The following ELP2 variants were observed in gnomAD, a reference collection of about 807,000 sequenced individuals.
ELP2 encodes the protein elongator complex protein 2.
A neutral mutation model predicts 119.2 loss-of-function variants in ELP2; 90 were observed. The ratio of observed to expected loss-of-function variants is 0.75; its 90% confidence interval spans 0.64 to 0.90. ELP2 has a LOEUF of 0.90. Ranked by LOEUF, ELP2 falls within the 40% of genes least tolerant of loss-of-function variation. The pLI is 0.00. For missense variants in ELP2, 921 were observed against 967.8 expected, an observed-to-expected ratio of 0.95 and a Z score of 0.64; for synonymous variants, 339 against 331.0, an observed-to-expected ratio of 1.02 and a Z score of -0.26.
intron 12 of ELP2, 71 bp downstream of exon 12, chr18:36,155,070 T>C: frequency 2.3e-6 from 3 of 1,330,238 alleles, no homozygotes; most frequent in Non-Finnish European, 3.2e-6. Flanking sequence ...TGAAGTGCAA[T>C]GGCACGATCT....
Position 36,142,847 on chromosome 18 carries a change from G to T in ELP2, c.677G>T (p.Ser226Ile). Residue 226 changes from serine to isoleucine, a missense_variant, in exon 8 of 22, where the codon AGC becomes ATC. Coordinates refer to ENST00000358232, the MANE Select transcript of ELP2 (RefSeq NM_018255.4). ...AAFGRDLFLA[S>I]CSQDCLIRIW... Reference sequence around the variant, plus strand: ...TTAGGTAGAGATCTTTTCCTAGCAAGCTGTTCACAAGATTGCCTGATAAGA... The same window carrying T: ...TTAGGTAGAGATCTTTTCCTAGCAATCTGTTCACAAGATTGCCTGATAAGA... The T allele has an allele frequency of 6.2e-7, 1 of 1,603,594 alleles. No homozygotes were observed. Among genetic ancestry groups the T allele is most frequent in the Non-Finnish European group, 8.5e-7 (1 of 1,172,154 alleles).
At chr18:36,168,913 CTTTTTTTTTTTTTTTTTT>C (rs61459855) in intron 19 of ELP2, among the ~76,000 whole-genome samples, 15 of 69,258 alleles carry the variant, frequency 2.2e-4, no homozygotes, top group African/African-American at 9.2e-4. Context: ...CTCTCCATTT[CTTTTTTTTTTTTTTTTTT>C]TTTTTTTTTT....
At chr18:36,138,693 C>A in intron 4 of ELP2, 102 bp from the exon 5 acceptor site, 2 of 1,039,368 alleles carry the variant, frequency 1.9e-6, no homozygotes, top group Non-Finnish European at 3.0e-6. Flanking sequence ...CTTCTCTCAT[C>A]TCCCTTCTGC....
chr18:36,160,485 G>A (rs920709429), intron 16 of ELP2, among the ~76,000 whole-genome samples: 1 of 151,830 alleles, frequency 6.6e-6, no homozygotes, highest in Non-Finnish European at 1.5e-5. Flanking sequence ...GACTGAGGCT[G>A]GAGGATTGCT....
intron 21 of ELP2, among the ~76,000 whole-genome samples, chr18:36,172,259 T>G (rs1463575562): frequency 6.6e-6 from 1 of 151,796 alleles, no homozygotes; most frequent in East Asian, 1.9e-4. Context: ...TGAGAGCCTG[T>G]CCCCCCCAAA....
intron 2 of ELP2, among the ~76,000 whole-genome samples, chr18:36,135,497 A>T (rs1331996146): frequency 6.6e-6 from 1 of 152,214 alleles, no homozygotes; most frequent in Non-Finnish European, 1.5e-5. Context: ...TCTGAGTTCA[A>T]ATCTAATGCT....
chr18:36,148,433 T>C (rs780925681), intron 11 of ELP2, among the ~76,000 whole-genome samples: 45 of 152,134 alleles, frequency 3.0e-4, no homozygotes, highest in Non-Finnish European at 5.9e-4. Context: ...CCCTGAAGCC[T>C]AATATACCCA....
intron 1 of ELP2, among the ~76,000 whole-genome samples, chr18:36,132,149 GT>G (rs2089657648): frequency 6.6e-6 from 1 of 151,992 alleles, no homozygotes; most frequent in Non-Finnish European, 1.5e-5. Flanking sequence ...GCCTCCTGAA[GT>G]GCTGGGATTA....
chr18:36,148,662 C>T (rs2090291457), intron 11 of ELP2, among the ~76,000 whole-genome samples: 1 of 152,072 alleles, frequency 6.6e-6, no homozygotes, highest in Non-Finnish European at 1.5e-5. Context: ...AGCTTGAGGC[C>T]AGCCTGGGCA....
At chr18:36,139,912 G>C (rs2089963157) in intron 5 of ELP2, among the ~76,000 whole-genome samples, 1 of 152,058 alleles carries the variant, frequency 6.6e-6, no homozygotes, top group Non-Finnish European at 1.5e-5. Context: ...GTGCAGTGGT[G>C]ATCATAGCTC....
intron 19 of ELP2, among the ~76,000 whole-genome samples, chr18:36,169,122 C>T (rs1033560826): frequency 6.6e-6 from 1 of 151,330 alleles, no homozygotes; most frequent in Non-Finnish European, 1.5e-5. Flanking sequence ...AACGGGGTTT[C>T]ACCATGTGGG....
At chr18:36,157,544 C>T (rs999956573) in intron 13 of ELP2, among the ~76,000 whole-genome samples, 2 of 152,018 alleles carry the variant, frequency 1.3e-5, no homozygotes, top group African/African-American at 4.8e-5. Context: ...CTGTGGGGTG[C>T]TGTTGGAGGC....
intron 12 of ELP2, among the ~76,000 whole-genome samples, chr18:36,156,027 G>C (rs536923668): frequency 4.1e-4 from 62 of 152,300 alleles, no homozygotes; most frequent in African/African-American, 1.5e-3. Context: ...ATTGCTAAGT[G>C]TTGGCCCTGA....
chr18:36,163,894 T>C (rs1342622099), intron 17 of ELP2, among the ~76,000 whole-genome samples: 1 of 152,212 alleles, frequency 6.6e-6, no homozygotes, highest in Admixed American at 6.5e-5. Context: ...ATTTTGCCTA[T>C]AGTAGATCCT....
chr18:36,159,886 A>T, intron 15 of ELP2, 56 bp downstream of exon 15: 1 of 1,603,654 alleles, frequency 6.2e-7, no homozygotes, highest in Non-Finnish European at 8.5e-7. Context: ...TATGTTATCT[A>T]TTGCTGCTGA....
intron 11 of ELP2, among the ~76,000 whole-genome samples, chr18:36,148,103 T>TG (rs2090272068): frequency 1.3e-5 from 2 of 150,666 alleles, no homozygotes; most frequent in South Asian, 4.2e-4. Flanking sequence ...TTTTTGTTTT[T>TG]TTTTTTTTGA....
chr18:36,169,911 T>G (rs995800895), intron 19 of ELP2, 152 bp from the exon 20 acceptor site: 21 of 999,754 alleles, frequency 2.1e-5, no homozygotes, highest in Non-Finnish European at 3.2e-5. Context: ...TGAAATGCTC[T>G]CAAGTCCTGG....
chr18:36,154,051 A>AT (rs1214834928), intron 11 of ELP2, among the ~76,000 whole-genome samples: 1 of 140,894 alleles, frequency 7.1e-6, no homozygotes, highest in Admixed American at 7.2e-5. Context: ...AGGGAGTAAC[A>AT]TTTTTTGTCA....
Position 36,159,812 on chromosome 18 carries a change from C to G in ELP2, c.1612C>G (p.Gln538Glu), listed in dbSNP as rs749075894. ...TGFEYQQVAF[Q>E]PSILTEPPTE... ...TTTTGAGTATCAGCAGGTGGCCTTT[C>G]AGCCCTCCATACTTACTGGTAAGAT... The change falls in exon 15 of 22, where the codon CAG (glutamine) becomes GAG (glutamate). Residue 538 changes from glutamine to glutamate, a missense_variant. Transcript: ENST00000358232. 1 of 1,613,908 alleles carries G rather than the reference C, an allele frequency of 6.2e-7. No individual in the cohort carries two copies. The highest frequency in any genetic ancestry group is 8.5e-7 in the Non-Finnish European group (1 of 1,179,834).
Sources: gnomAD v4.1 joint callset for allele counts (sites outside exome capture counted in the v4.1 genomes callset) on GRCh38, gnomAD v4.1.1 for gene constraint, MANE v1.5 for transcripts, NCBI Gene and HGNC (gene_info 2026-07-23, HGNC 2026-07-21) for gene names.